The following COA1 variants were observed in gnomAD, a reference collection of about 807,000 sequenced individuals.
COA1 encodes the protein cytochrome c oxidase assembly factor 1 homolog.
In COA1, 13 loss-of-function variants were observed where a neutral mutation model predicts 16.0. That is an observed-to-expected ratio of 0.81 (90% confidence interval 0.53 to 1.29). The LOEUF (loss-of-function observed/expected upper bound fraction) is 1.29, where lower values mean the gene tolerates loss of function less well. Ranked by LOEUF, COA1 falls within the 50% of genes most tolerant of loss-of-function variation. The pLI is 0.00. For synonymous variants in COA1, 65 were observed against 65.7 expected (o/e 0.99, Z 0.05); for missense variants, 179 against 177.0 (o/e 1.01, Z -0.06).
intron 1 of COA1, among the ~76,000 whole-genome samples, chr7:43,717,534 G>C (rs1440444179): frequency 1.3e-5 from 2 of 152,196 alleles, no homozygotes; most frequent in Non-Finnish European, 2.9e-5. Flanking sequence ...GGTTGCATTT[G>C]ATTTTACGGG....
chr7:43,694,827 T>C (rs1376499982), intron 1 of COA1, among the ~76,000 whole-genome samples: 4 of 152,192 alleles, frequency 2.6e-5, no homozygotes, highest in Non-Finnish European at 4.4e-5. Flanking sequence ...ACCTGCGTAG[T>C]CCACATCTCA....
chr7:43,693,690 G>A (rs2094443791), intron 1 of COA1, among the ~76,000 whole-genome samples: 1 of 152,080 alleles, frequency 6.6e-6, no homozygotes. Context: ...CCACCGTTAA[G>A]ACTCAAAGTT....
intron 6 of COA1, chr7:43,624,600 A>G (rs2084284607): frequency 1.2e-6 from 2 of 1,614,166 alleles, no homozygotes; most frequent in African/African-American, 2.7e-5. Flanking sequence ...CAGGATGGAA[A>G]AGGCACTAGA....
At chr7:43,691,416 A>T (rs368595021) in intron 1 of COA1, among the ~76,000 whole-genome samples, 1 of 90,036 alleles carries the variant, frequency 1.1e-5, no homozygotes, top group Non-Finnish European at 2.2e-5. Context: ...AGGAAGGAAG[A>T]AAGAAAAAGA....
In COA1 at chr7:43,728,414, T is replaced by C. The variant is rs535809339; in HGVS notation, c.-39+1015A>G. ...AACAGTGCCTAGCAATATTATGAAT[T>C]CAATCGATTTTGGCTAAATGCTAGA... On this transcript the variant is annotated intron_variant, in intron 1 of 5. Coordinates refer to ENST00000223336, the MANE Select transcript of COA1 (RefSeq NM_018224.4). 2.0e-5 allele frequency among the ~76,000 whole-genome samples: 3 copies of C among 152,338 alleles called. No homozygotes were observed. In the East Asian group the frequency reaches 5.8e-4, roughly 29 times the overall value.
At chr7:43,608,513 G>A (rs2082637317) in exon 7 of COA1, 2 of 1,309,756 alleles carry the variant, frequency 1.5e-6, no homozygotes, top group Non-Finnish European at 2.1e-6. Context: ...TAGGTAACAA[G>A]GATATTAGAA....
chr7:43,643,454 CCAT>C (rs759664054), intron 4 of COA1, among the ~76,000 whole-genome samples: 77 of 152,232 alleles, frequency 5.1e-4, no homozygotes, highest in Middle Eastern at 3.2e-3. Context: ...CTCCGCCACA[CCAT>C]GGGAGCAATC....
intron 6 of COA1, chr7:43,625,890 A>C (rs564139882): frequency 6.6e-6 from 1 of 152,310 alleles, no homozygotes; most frequent in Admixed American, 6.5e-5. Context: ...TTTGTCCATA[A>C]AAAATTTACA....
chr7:43,709,165 AG>A (rs1211770020), intron 1 of COA1, among the ~76,000 whole-genome samples: 1 of 151,758 alleles, frequency 6.6e-6, no homozygotes, highest in Non-Finnish European at 1.5e-5. Flanking sequence ...CTGGGACTAC[AG>A]GCGCCTGCCA....
intron 4 of COA1, 130 bp from the exon 5 acceptor site, chr7:43,640,779 T>G: frequency 1.6e-6 from 1 of 642,698 alleles, no homozygotes; most frequent in South Asian, 2.4e-5. Context: ...GTGAGTTCTT[T>G]TCTAACAGCC....
At chr7:43,671,604 T>C (rs2093268191) in intron 1 of COA1, among the ~76,000 whole-genome samples, 1 of 152,168 alleles carries the variant, frequency 6.6e-6, no homozygotes. Flanking sequence ...AAACACTCCA[T>C]GCTCATGGCT....
intron 1 of COA1, among the ~76,000 whole-genome samples, chr7:43,683,823 GTTT>G (rs932910265): frequency 6.6e-6 from 1 of 152,070 alleles, no homozygotes; most frequent in Non-Finnish European, 1.5e-5. Flanking sequence ...ATTTGCCAAA[GTTT>G]TTATTCTTGC....
chr7:43,615,575 C>T (rs118149113), intron 6 of COA1, among the ~76,000 whole-genome samples: 4,534 of 152,046 alleles, frequency 0.03, 85 homozygotes, highest in Non-Finnish European at 0.045. Flanking sequence ...GTGTTTTTTT[C>T]GTGAAGAATT....
chr7:43,695,005 G>A (rs1412675789), intron 1 of COA1, among the ~76,000 whole-genome samples: 2 of 152,098 alleles, frequency 1.3e-5, no homozygotes, highest in African/African-American at 4.8e-5. Flanking sequence ...ACACTTCCCA[G>A]CTTATTTTGT....
chr7:43,703,323 A>T (rs1306102256), intron 1 of COA1, among the ~76,000 whole-genome samples: 1 of 152,128 alleles, frequency 6.6e-6, no homozygotes, highest in African/African-American at 2.4e-5. Context: ...TTGTTGGGTG[A>T]AGTATTCTGT....
intron 6 of COA1, among the ~76,000 whole-genome samples, chr7:43,615,415 A>C (rs1327891326): frequency 7.9e-5 from 12 of 151,854 alleles, no homozygotes; most frequent in Admixed American, 7.9e-4. Context: ...AAGCTCAAAC[A>C]ATCCACTCAC....
At chr7:43,725,099 G>A (rs1314396302) in intron 1 of COA1, among the ~76,000 whole-genome samples, 1 of 152,128 alleles carries the variant, frequency 6.6e-6, no homozygotes, top group Admixed American at 6.5e-5. Context: ...TTAGCTAGGT[G>A]TGGTGGCGCA....
At position 43,647,455 on chromosome 7, in the gene COA1, A is replaced by G. The variant is rs1241080234; in HGVS notation, c.115+80T>C. 3.1e-6 allele frequency: 3 copies of G among 969,422 alleles called. No homozygotes were observed. In the African/African-American group the frequency reaches 4.8e-5, roughly 16 times the overall value. 60.1% of individuals were successfully genotyped at this position (969,422 alleles called of 1,614,324 possible). A position where few individuals can be genotyped will look rare whatever the true frequency, so the allele number is the denominator to read the frequency against. On this transcript the variant is annotated intron_variant, in intron 3 of 5. Transcript: ENST00000223336. ...CTCCTTTCTCTAATCTAAACAAAGC[A>G]TCTCAAGTATTTCCTCTGATGGAGG...
intron 1 of COA1, among the ~76,000 whole-genome samples, chr7:43,695,071 A>G (rs1441039530): frequency 2.0e-5 from 3 of 152,270 alleles, no homozygotes; most frequent in African/African-American, 7.2e-5. Context: ...CGCCACCTTC[A>G]TTGTCCACAC....
Sources: allele counts gnomAD v4.1 joint callset (sites outside exome capture counted in the v4.1 genomes callset), GRCh38; gene constraint gnomAD v4.1.1; transcripts MANE v1.5; gene names NCBI Gene and HGNC (gene_info 2026-07-23, HGNC 2026-07-21).